Variants in E2F6 observed in about 807,000 individuals in gnomAD.
E2F6 encodes the protein E2F transcription factor 6, also known as transcription factor E2F6.
Under a neutral mutation model 31.5 loss-of-function variants are expected in E2F6, and 19 were observed. The observed-to-expected ratio is 0.60, with a 90% confidence interval of 0.42 to 0.89. The LOEUF is 0.89. E2F6 is among the 40% of genes least tolerant of loss of function. The pLI, the probability that E2F6 is intolerant of heterozygous loss-of-function variation, is 0.00. For missense variants in E2F6, 269 were observed against 341.6 expected, an observed-to-expected ratio of 0.79 and a Z score of 1.67; for synonymous variants, 121 against 127.7, an observed-to-expected ratio of 0.95 and a Z score of 0.36.
Position 11,450,126 on chromosome 2 carries a change from T to A in E2F6, c.537A>T (p.Arg179Ser). The part of the protein sequence containing the change: ...FELTDDKENE[R>S]LAYVTYQDIH... ...TGTCTTGATAGGTCACATATGCTAG[T>A]GTAAAACTCAGTCAAGGATCTCTAC... The change falls in exon 5 of 7, where the codon AGA becomes AGT. Residue 179 changes from arginine (R) to serine (S), a missense_variant and splice_region_variant. Physicochemically the swap from Arg to Ser is moderately radical, Grantham distance 110 (BLOSUM62 -1). Coordinates refer to ENST00000381525, the MANE Select transcript of E2F6 (RefSeq NM_198256.4). 1.2e-6 allele frequency: 2 copies of A among 1,603,228 alleles called. No homozygotes were observed. The highest frequency in any genetic ancestry group is 2.2e-5 in the South Asian group (2 of 90,448).
chr2:11,464,249 G>A lies in E2F6; in HGVS notation c.108+1523C>T, dbSNP rs115057928. ...CAGTGAGTGTAAATAACCTTTTCAAGAAGTTTAGCTGTGAAAGCACTTTGG... is the reference window on the plus strand; with the variant it reads ...CAGTGAGTGTAAATAACCTTTTCAAAAAGTTTAGCTGTGAAAGCACTTTGG... On this transcript the variant is annotated intron_variant, in intron 1 of 6. Coordinates refer to ENST00000381525, the MANE Select transcript of E2F6 (RefSeq NM_198256.4). Among the ~76,000 whole-genome samples the A allele has an allele frequency of 9.2e-3, 1,398 of 152,148 alleles. 9 individuals carry two copies. The highest frequency in any genetic ancestry group is 0.02 in the Middle Eastern group (6 of 294).
At chr2:11,459,112 C>T (rs564613147) in intron 1 of E2F6, among the ~76,000 whole-genome samples, 1 of 152,150 alleles carries the variant, frequency 6.6e-6, no homozygotes, top group East Asian at 1.9e-4. Flanking sequence ...AAAAAAAATC[C>T]ATCCTTATCA....
chr2:11,462,445 GTC>G (rs1201483966), intron 1 of E2F6, among the ~76,000 whole-genome samples: 1 of 152,160 alleles, frequency 6.6e-6, no homozygotes, highest in Admixed American at 6.5e-5. Flanking sequence ...TGTGAATGTG[GTC>G]TCTCTCTCAA....
intron 1 of E2F6, among the ~76,000 whole-genome samples, chr2:11,464,899 T>C (rs1672041427): frequency 6.6e-6 from 1 of 152,008 alleles, no homozygotes; most frequent in South Asian, 2.1e-4. Context: ...CTACTAGTTA[T>C]AGAAAGAAAG....
chr2:11,465,619 G>C (rs1007805512), intron 1 of E2F6, among the ~76,000 whole-genome samples, 153 bp downstream of exon 1: 9 of 152,246 alleles, frequency 5.9e-5, no homozygotes, highest in Non-Finnish European at 5.9e-5. Flanking sequence ...AGCAGAAGGC[G>C]GGAGAGCGCA....
intron 1 of E2F6, among the ~76,000 whole-genome samples, chr2:11,459,456 T>G (rs937141306): frequency 6.6e-6 from 1 of 152,250 alleles, no homozygotes; most frequent in South Asian, 2.1e-4. Flanking sequence ...TACTGATGTA[T>G]GTGGGAAAAC....
chr2:11,465,717 G>A (rs971275975), intron 1 of E2F6, 55 bp downstream of exon 1: 13 of 1,532,754 alleles, frequency 8.5e-6, no homozygotes, highest in East Asian at 4.9e-5. Flanking sequence ...GCGCGGGGAG[G>A]AGGGGGCCGG....
At chr2:11,450,906 C>G (rs921046211) in intron 4 of E2F6, among the ~76,000 whole-genome samples, 7 of 152,110 alleles carry the variant, frequency 4.6e-5, no homozygotes, top group Non-Finnish European at 1.0e-4. Flanking sequence ...AAGGGTGCCA[C>G]AGGGAACAGC....
intron 2 of E2F6, 174 bp downstream of exon 2, chr2:11,457,005 A>G: frequency 5.2e-6 from 3 of 582,344 alleles, no homozygotes; most frequent in Admixed American, 3.3e-5. Context: ...ATTTGTGCAC[A>G]TGATTCAACC....
chr2:11,462,531 G>C (rs114258610), intron 1 of E2F6, among the ~76,000 whole-genome samples: 1,553 of 152,226 alleles, frequency 0.01, 4 homozygotes, highest in Middle Eastern at 0.031. Flanking sequence ...CAAGAACTTA[G>C]ATCTTTTCAC....
intron 1 of E2F6, among the ~76,000 whole-genome samples, chr2:11,458,609 T>C (rs1489950812): frequency 6.6e-6 from 1 of 152,138 alleles, no homozygotes; most frequent in South Asian, 2.1e-4. Context: ...GGTTTAGAAA[T>C]ATAAGTATGG....
chr2:11,462,437 T>C (rs994675445), intron 1 of E2F6, among the ~76,000 whole-genome samples: 1 of 152,214 alleles, frequency 6.6e-6, no homozygotes, highest in Non-Finnish European at 1.5e-5. Context: ...GAAAGTTATG[T>C]GAATGTGGTC....
chr2:11,446,673 A>G (rs1670735739), intron 6 of E2F6, 150 bp from the exon 7 acceptor site: 2 of 606,062 alleles, frequency 3.3e-6, no homozygotes, highest in Admixed American at 6.7e-5. Flanking sequence ...GGTTAATGGC[A>G]TAAGGCTAAT....
chr2:11,464,452 G>T (rs1259244873), intron 1 of E2F6, among the ~76,000 whole-genome samples: 4 of 148,120 alleles, frequency 2.7e-5, no homozygotes, highest in African/African-American at 1.0e-4. Flanking sequence ...GGGAGGCGGA[G>T]CTTGCAGTGA....
chr2:11,452,039 A>T (rs1022749034), intron 3 of E2F6, among the ~76,000 whole-genome samples: 2 of 152,198 alleles, frequency 1.3e-5, no homozygotes, highest in African/African-American at 2.4e-5. Context: ...ATACATTACA[A>T]CCTAACAGAA....
chr2:11,445,410 TAC>T lies in E2F6; in HGVS notation c.*1065_*1066del, dbSNP rs1670658701. Reference sequence around the variant, plus strand: ...AGGAGCTCACAGTCTAATGGTAAACTACAGAGTAAACTGAGGCACAGAGTGGT... The same window carrying T: ...AGGAGCTCACAGTCTAATGGTAAACTAGAGTAAACTGAGGCACAGAGTGGT... On this transcript the variant is annotated 3_prime_UTR_variant, in exon 7 of 7. Coordinates refer to ENST00000381525, the MANE Select transcript of E2F6 (RefSeq NM_198256.4). 1 of 152,610 alleles carries T rather than the reference TAC, an allele frequency of 6.6e-6. No individual in the cohort carries two copies. Among genetic ancestry groups the T allele is most frequent in the Non-Finnish European group, 1.5e-5 (1 of 68,038 alleles). The allele number at this position is 152,610 out of a possible 1,614,324, so 9.5% of individuals were successfully genotyped here.
intron 6 of E2F6, 121 bp downstream of exon 6, chr2:11,447,506 T>C: frequency 6.9e-6 from 7 of 1,021,060 alleles, no homozygotes; most frequent in Non-Finnish European, 8.8e-6. Flanking sequence ...AGAGTTATGC[T>C]GTAATTTTTT....
chr2:11,456,948 G>A (rs938695095), intron 2 of E2F6: 4 of 460,176 alleles, frequency 8.7e-6, no homozygotes, highest in African/African-American at 8.2e-5. Flanking sequence ...GAGGAATTCT[G>A]AGAAAATAGC....
intron 1 of E2F6, among the ~76,000 whole-genome samples, chr2:11,464,670 A>T (rs1196921691): frequency 6.6e-6 from 1 of 152,104 alleles, no homozygotes; most frequent in African/African-American, 2.4e-5. Context: ...GGAGTTAGAC[A>T]TTTGGAGCTT....
Sources: allele counts gnomAD v4.1 joint callset (sites outside exome capture counted in the v4.1 genomes callset), GRCh38; gene constraint gnomAD v4.1.1; transcripts MANE v1.5; gene names NCBI Gene and HGNC (gene_info 2026-07-23, HGNC 2026-07-21).